ILKAP: variants seen among roughly 807,000 people sequenced by gnomAD.
ILKAP encodes the protein ILK associated serine/threonine phosphatase, also known as integrin-linked kinase-associated serine/threonine phosphatase 2C.
ILKAP carries 11 observed loss-of-function variants against 49.1 expected under a neutral mutation model. The observed-to-expected ratio is 0.22, with a 90% CI of 0.14 to 0.37. The LOEUF is 0.37. ILKAP is among the 10% of genes least tolerant of loss of function. The pLI is 1.00. For missense variants in ILKAP, 363 were observed against 510.8 expected (o/e 0.71, Z 2.79); for synonymous variants, 186 against 192.8 (o/e 0.96, Z 0.29).
rs1693785368 is a variant in ILKAP, at chr2:238,183,643, A to G, written c.714+10T>C. Reference sequence around the variant, plus strand: ...TTGTCATCTAAGTGGGTGGCTCCAGAGCCACATACCCGACTATCTCCGAGG... The same window carrying G: ...TTGTCATCTAAGTGGGTGGCTCCAGGGCCACATACCCGACTATCTCCGAGG... On this transcript the variant is annotated intron_variant, in intron 8 of 11. Transcript: ENST00000254654. 1.2e-6 allele frequency: 2 copies of G among 1,602,778 alleles called. No homozygotes were observed. Among genetic ancestry groups the G allele is most frequent in the South Asian group, 2.2e-5 (2 of 90,138 alleles).
Position 238,182,054 on chromosome 2 carries a change from C to A in ILKAP, c.836+11G>T. The A allele has an allele frequency of 6.2e-7, 1 of 1,612,708 alleles. No individual in the cohort carries two copies. Among genetic ancestry groups the A allele is most frequent in the South Asian group, 1.1e-5 (1 of 91,002 alleles). Reference sequence around the variant, plus strand: ...CTCCTTCCCATGAGCTCCTCTCAGTCCCTTGGTTACCTGACGTTTCCTCCA... The same window carrying A: ...CTCCTTCCCATGAGCTCCTCTCAGTACCTTGGTTACCTGACGTTTCCTCCA... On this transcript the variant is annotated intron_variant, in intron 9 of 11. Coordinates refer to ENST00000254654, the MANE Select transcript of ILKAP (RefSeq NM_030768.3).
At position 238,173,647 on chromosome 2, in the gene ILKAP, C is replaced by T. The variant is rs773637219; in HGVS notation, c.843G>A (p.Gly281=). 6.2e-7 allele frequency: 1 copy of T among 1,613,492 alleles called. No individual in the cohort carries two copies. The highest frequency in any genetic ancestry group is 8.5e-7 in the Non-Finnish European group (1 of 1,179,536). The change falls in exon 10 of 12, where the codon GGG becomes GGA. Residue 281 remains glycine, a synonymous_variant. Coordinates refer to ENST00000254654, the MANE Select transcript of ILKAP (RefSeq NM_030768.3). ...ACACCTCTAGCACGCCCAAAACACGCCCATCCCTAAAATGAGAGGAAAAAC... is the reference window on the plus strand; with the variant it reads ...ACACCTCTAGCACGCCCAAAACACGTCCATCCCTAAAATGAGAGGAAAAAC... The part of the protein sequence containing the change: ...IQKAGGNVRD[G]RVLGVLEVSR...
chr2:238,202,260 C>G (rs1239096086), intron 1 of ILKAP, among the ~76,000 whole-genome samples: 1 of 152,190 alleles, frequency 6.6e-6, no homozygotes, highest in African/African-American at 2.4e-5. Context: ...CCCAGAATTA[C>G]TGCAAATCAC....
intron 3 of ILKAP, among the ~76,000 whole-genome samples, chr2:238,192,729 T>C (rs537012322): frequency 1.7e-4 from 25 of 149,034 alleles, no homozygotes; most frequent in Middle Eastern, 3.8e-3. Context: ...AAGAATGTGT[T>C]ATCGGCTGGG....
In ILKAP at chr2:238,173,568, C is replaced by T. The variant is rs202222193; in HGVS notation, c.922G>A (p.Asp308Asn). The T allele has an allele frequency of 1.4e-5, 22 of 1,613,828 alleles. No homozygotes were observed. In the Admixed American group the frequency reaches 1.7e-4, roughly 12 times the overall value. Residue 308 changes from aspartate (D) to asparagine (N), a missense_variant, in exon 10 of 12, where the codon GAC (aspartate) becomes AAC (asparagine). By Grantham distance (23) the Asp-to-Asn change is conservative. This residue lies in a region of ILKAP where 166 missense variants were observed against 307.3 expected (regional missense o/e 0.54). Transcript: ENST00000254654. ...YKRCGVTSVP[D>N]IRRCQLTPND... The stretch of plus-strand genomic sequence containing the variant: ...GGGGTCAGCTGGCAGCGTCTGATGT[C>T]GGGCACAGAGGTGACACCGCAGCGC...
intron 9 of ILKAP, among the ~76,000 whole-genome samples, chr2:238,177,782 A>G (rs1229759157): frequency 3.9e-5 from 6 of 152,204 alleles, no homozygotes; most frequent in Admixed American, 3.9e-4. Context: ...CTGTGAACAC[A>G]GGTATGCAAA....
chr2:238,170,873 C>T, intron 11 of ILKAP, 70 bp downstream of exon 11: 1 of 1,504,976 alleles, frequency 6.6e-7, no homozygotes, highest in Non-Finnish European at 9.3e-7. Flanking sequence ...AATGGGGTCT[C>T]AGAACTTCTA....
intron 9 of ILKAP, among the ~76,000 whole-genome samples, chr2:238,180,342 G>A (rs896095105): frequency 6.6e-5 from 10 of 152,134 alleles, no homozygotes; most frequent in African/African-American, 2.4e-4. Context: ...TATTGTCTTA[G>A]GTGTGAAAAT....
chr2:238,186,373 T>G (rs1243631495), intron 5 of ILKAP: 1 of 152,216 alleles, frequency 6.6e-6, no homozygotes, highest in Non-Finnish European at 1.5e-5. Flanking sequence ...TCACGCCTGT[T>G]AATCCCAACA....
chr2:238,202,569 A>G (rs895262774), intron 1 of ILKAP, among the ~76,000 whole-genome samples: 21 of 152,326 alleles, frequency 1.4e-4, no homozygotes, highest in African/African-American at 4.6e-4. Flanking sequence ...ATTCGGATTT[A>G]CTGGGGCTGA....
intron 10 of ILKAP, among the ~76,000 whole-genome samples, chr2:238,172,598 C>G (rs1022440827): frequency 6.6e-6 from 1 of 152,152 alleles, no homozygotes; most frequent in African/African-American, 2.4e-5. Context: ...GATGGAGGAC[C>G]CCGCGGTACG....
At chr2:238,180,769 T>TA (rs1693656564) in intron 9 of ILKAP, among the ~76,000 whole-genome samples, 1 of 152,198 alleles carries the variant, frequency 6.6e-6, no homozygotes, top group Non-Finnish European at 1.5e-5. Context: ...GACTGGGATA[T>TA]AGGAAGCAAC....
At chr2:238,184,566 ATTTT>A (rs200708964) in intron 6 of ILKAP, among the ~76,000 whole-genome samples, 2 of 150,618 alleles carry the variant, frequency 1.3e-5, no homozygotes, top group African/African-American at 4.9e-5. Context: ...CCTTTTTTAA[ATTTT>A]TTTTTCTGAG....
chr2:238,170,758 A>C lies in ILKAP; in HGVS notation c.1039-82T>G, dbSNP rs969339769. 46 of 1,595,850 alleles carry C rather than the reference A, an allele frequency of 2.9e-5. 1 individual carries two copies. Among genetic ancestry groups the C allele is most frequent in the Admixed American group, 5.0e-5 (3 of 59,574 alleles). ...CTGAGACATGACTGCCAGGAAGAAGAGCTGCTCTGGTCTCCATCAGGGCTG... is the reference window on the plus strand; with the variant it reads ...CTGAGACATGACTGCCAGGAAGAAGCGCTGCTCTGGTCTCCATCAGGGCTG... On this transcript the variant is annotated intron_variant, in intron 11 of 11. Transcript: ENST00000254654.
intron 10 of ILKAP, among the ~76,000 whole-genome samples, chr2:238,172,916 A>G (rs992560598): frequency 6.6e-6 from 1 of 152,104 alleles, no homozygotes; most frequent in Non-Finnish European, 1.5e-5. Context: ...CCCTAGCCCC[A>G]TAATGCCATC....
Position 238,190,020 on chromosome 2 carries a change from G to A in ILKAP, c.179-48C>T, listed in dbSNP as rs760453722. ...ACAGAAACACAGCTGTAGACTGTTGGAAAAAGTCACTAGTAGACTGGGCTT... is the reference window on the plus strand; with the variant it reads ...ACAGAAACACAGCTGTAGACTGTTGAAAAAAGTCACTAGTAGACTGGGCTT... On this transcript the variant is annotated intron_variant, in intron 3 of 11. Coordinates refer to ENST00000254654, the MANE Select transcript of ILKAP (RefSeq NM_030768.3). The A allele has an allele frequency of 6.9e-6, 11 of 1,589,880 alleles. No homozygotes were observed. In the Admixed American group the frequency reaches 8.7e-5, roughly 13 times the overall value.
Position 238,194,820 on chromosome 2 carries a change from T to C in ILKAP, c.106A>G (p.Ser36Gly), listed in dbSNP as rs1162494397. 1 of 1,614,144 alleles carries C rather than the reference T, an allele frequency of 6.2e-7. No homozygotes were observed. The highest frequency in any genetic ancestry group is 1.3e-5 in the African/African-American group (1 of 75,036). The change falls in exon 2 of 12, where the codon AGC becomes GGC. Residue 36 changes from serine to glycine, a missense_variant. Physicochemically the swap from Ser to Gly is moderately conservative, Grantham distance 56. This residue lies in a region of ILKAP where 114 missense variants were observed against 116.0 expected (regional missense o/e 0.98). Coordinates refer to ENST00000254654, the MANE Select transcript of ILKAP (RefSeq NM_030768.3). The stretch of plus-strand genomic sequence containing the variant: ...AAGACTGTACCTGAGTCAGTACTGC[T>C]GGCCGGAGGGAGGTCATCAAAGAGC... Reference protein sequence around the residue: ...PLLFDDLPPASSTDSGSGGPL... With the variant: ...PLLFDDLPPAGSTDSGSGGPL...
intron 1 of ILKAP, among the ~76,000 whole-genome samples, chr2:238,202,101 T>G (rs963066324): frequency 6.6e-6 from 1 of 152,202 alleles, no homozygotes; most frequent in African/African-American, 2.4e-5. Context: ...GGTCGGCGCC[T>G]GTAATCTCAG....
rs1693374215 is a variant in ILKAP, at chr2:238,174,775, CA to C, written c.837-1123del. Among the ~76,000 whole-genome samples, 3 of 152,184 alleles carry C rather than the reference CA, an allele frequency of 2.0e-5. No homozygotes were observed. In the South Asian group the frequency reaches 6.2e-4, roughly 32 times the overall value. The stretch of plus-strand genomic sequence containing the variant: ...TTAAATAGCAAGAGGAAACAGTGCA[CA>C]GGGGAAGAGCTGAGGACTGAAGATG... On this transcript the variant is annotated intron_variant, in intron 9 of 11. Transcript: ENST00000254654.
Sources: allele counts gnomAD v4.1 joint callset (sites outside exome capture counted in the v4.1 genomes callset), GRCh38; gene constraint gnomAD v4.1.1; regional missense constraint gnomAD v4.1.1; transcripts MANE v1.5; gene names NCBI Gene and HGNC (gene_info 2026-07-23, HGNC 2026-07-21).